STXBP6: variants seen among roughly 807,000 people sequenced by gnomAD.
STXBP6 encodes the protein syntaxin binding protein 6.
Under a neutral mutation model 26.9 loss-of-function variants are expected in STXBP6, and 21 were observed. That is an observed-to-expected ratio of 0.78 (90% CI 0.55 to 1.12). STXBP6 has a LOEUF of 1.12. Among genes scored for constraint, STXBP6 ranks in the 50% most tolerant of loss-of-function variants. The probability of loss-of-function intolerance (pLI) is 0.00; values close to 1 mark genes in which losing one functional copy is unlikely to be tolerated. For synonymous variants in STXBP6, 97 were observed against 92.6 expected (o/e 1.05, Z -0.27); for missense variants, 232 against 257.9 (o/e 0.90, Z 0.69).
chr14:24,864,604 T>C lies in STXBP6; in HGVS notation c.155-7447A>G, dbSNP rs186781980. On this transcript the variant is annotated intron_variant, in intron 2 of 5. Transcript: ENST00000323944. The stretch of plus-strand genomic sequence containing the variant: ...ATGTGCACATGGATCTCCTTTAATG[T>C]GAGAAGGCCATTCCAAAGGGAAAAA... Among the ~76,000 whole-genome samples the C allele has an allele frequency of 3.9e-4, 59 of 151,682 alleles. No homozygotes were observed. The East Asian group carries it at 0.011, about 27-fold the overall frequency.
chr14:25,047,285 A>C (rs1164600928), intron 1 of STXBP6, among the ~76,000 whole-genome samples: 2 of 152,184 alleles, frequency 1.3e-5, no homozygotes, highest in Non-Finnish European at 2.9e-5. Flanking sequence ...TATGAAAAGA[A>C]GGGGGAATCC....
At chr14:25,044,104 G>A (rs772259852) in intron 1 of STXBP6, among the ~76,000 whole-genome samples, 6 of 147,420 alleles carry the variant, frequency 4.1e-5, no homozygotes, top group Non-Finnish European at 8.9e-5. Flanking sequence ...CTGGGAGGTC[G>A]AGGCTGCAGT....
intron 1 of STXBP6, among the ~76,000 whole-genome samples, chr14:25,001,397 T>G (rs929420720): frequency 6.6e-6 from 1 of 152,124 alleles, no homozygotes; most frequent in Non-Finnish European, 1.5e-5. Context: ...TCATAACAAA[T>G]CACTTTCAAC....
At chr14:25,015,941 C>A (rs1210706688) in intron 1 of STXBP6, among the ~76,000 whole-genome samples, 1 of 152,146 alleles carries the variant, frequency 6.6e-6, no homozygotes, top group Non-Finnish European at 1.5e-5. Context: ...AACTTTGAAC[C>A]AACTGCCAAG....
At chr14:25,009,567 A>T (rs1341199563) in intron 1 of STXBP6, among the ~76,000 whole-genome samples, 2 of 152,188 alleles carry the variant, frequency 1.3e-5, no homozygotes, top group Non-Finnish European at 2.9e-5. Flanking sequence ...CAACAAGCCC[A>T]GTCCGACAAA....
At position 24,970,742 on chromosome 14, in the gene STXBP6, C is replaced by T. The variant is rs766392099; in HGVS notation, c.154+3923G>A. ...TTTATTTTTTCTCTTGAGTATATGC[C>T]TAGGAATGGGGTGCATGTTTGACTA... On this transcript the variant is annotated intron_variant, in intron 2 of 5. Transcript: ENST00000323944. Among the ~76,000 whole-genome samples, 214 of 152,016 alleles carry T rather than the reference C, an allele frequency of 1.4e-3. 4 individuals carry two copies. The highest frequency in any genetic ancestry group is 2.8e-3 in the Non-Finnish European group (188 of 67,980).
In STXBP6 at chr14:24,836,565, C is replaced by T. The variant is rs1233877779; in HGVS notation, c.452-17371G>A. On this transcript the variant is annotated intron_variant, in intron 4 of 5. Transcript: ENST00000323944. ...AGTGAGCTGACATCACACCACTGCACTCTAGCTTGCCAGCTTAGGTGACAC... is the reference window on the plus strand; with the variant it reads ...AGTGAGCTGACATCACACCACTGCATTCTAGCTTGCCAGCTTAGGTGACAC... Among the ~76,000 whole-genome samples, 3 of 131,216 alleles carry T rather than the reference C, an allele frequency of 2.3e-5. No homozygotes were observed. The East Asian group carries it at 6.7e-4, about 29-fold the overall frequency. 86.1% of individuals were successfully genotyped at this position (131,216 alleles called of 152,430 possible). A position where few individuals can be genotyped will look rare whatever the true frequency, so the allele number is the denominator to read the frequency against.
chr14:24,917,015 A>G (rs1278807889), intron 2 of STXBP6, among the ~76,000 whole-genome samples: 2 of 152,046 alleles, frequency 1.3e-5, no homozygotes, highest in Non-Finnish European at 2.9e-5. Context: ...ATTGGCACAG[A>G]TCAGCCCCAA....
chr14:24,974,622 A>C, intron 2 of STXBP6, 43 bp downstream of exon 2: 1 of 1,504,884 alleles, frequency 6.6e-7, no homozygotes, highest in Middle Eastern at 2.0e-4. Flanking sequence ...ACTGTTTTAA[A>C]ATGGAAGTTA....
intron 1 of STXBP6, among the ~76,000 whole-genome samples, chr14:24,991,696 A>T (rs969785873): frequency 1.3e-5 from 2 of 152,224 alleles, no homozygotes; most frequent in Non-Finnish European, 2.9e-5. Context: ...TTCAAACCAC[A>T]CTAAATATGT....
chr14:24,885,677 G>A (rs1465516507), intron 2 of STXBP6, among the ~76,000 whole-genome samples: 1 of 152,228 alleles, frequency 6.6e-6, no homozygotes, highest in Non-Finnish European at 1.5e-5. Context: ...CTCAACGTTT[G>A]CCTTCTCCCT....
At chr14:24,839,992 G>A (rs1425561802) in intron 4 of STXBP6, among the ~76,000 whole-genome samples, 2 of 152,172 alleles carry the variant, frequency 1.3e-5, no homozygotes, top group Non-Finnish European at 2.9e-5. Context: ...CTTATCATGT[G>A]ATATGTTTTA....
chr14:24,827,973 A>C (rs1036394709), intron 4 of STXBP6, among the ~76,000 whole-genome samples: 1 of 152,222 alleles, frequency 6.6e-6, no homozygotes, highest in Non-Finnish European at 1.5e-5. Flanking sequence ...TAAAAAGCTT[A>C]ACAAAGAACA....
chr14:25,031,010 T>C (rs1024002186), intron 1 of STXBP6, among the ~76,000 whole-genome samples: 6 of 152,160 alleles, frequency 3.9e-5, no homozygotes, highest in African/African-American at 1.4e-4. Context: ...TTCAATCTAT[T>C]GCTAGTGGAA....
chr14:24,859,579 G>A (rs2069459049), intron 2 of STXBP6, among the ~76,000 whole-genome samples: 3 of 151,980 alleles, frequency 2.0e-5, no homozygotes, highest in East Asian at 1.9e-4. Context: ...TAAAAAATAC[G>A]CCAGTCACAC....
At chr14:25,005,777 T>G (rs78926823) in intron 1 of STXBP6, among the ~76,000 whole-genome samples, 5,900 of 150,768 alleles carry the variant, frequency 0.039, 398 homozygotes, top group African/African-American at 0.14. Context: ...AAAAAATAAT[T>G]CTACAAATTT....
intron 2 of STXBP6, among the ~76,000 whole-genome samples, chr14:24,947,600 T>A (rs1340677540): frequency 6.6e-6 from 1 of 152,216 alleles, no homozygotes; most frequent in Non-Finnish European, 1.5e-5. Context: ...ACACAACTTC[T>A]ATGCTTAGAC....
chr14:24,903,154 T>C (rs376117960), intron 2 of STXBP6, among the ~76,000 whole-genome samples: 2 of 152,218 alleles, frequency 1.3e-5, no homozygotes, highest in African/African-American at 4.8e-5. Flanking sequence ...TCACATGTGC[T>C]TGAGGCTTTG....
At chr14:25,014,264 G>A (rs932509021) in intron 1 of STXBP6, among the ~76,000 whole-genome samples, 16 of 151,540 alleles carry the variant, frequency 1.1e-4, no homozygotes, top group African/African-American at 3.9e-4. Flanking sequence ...AGAGGCCGAG[G>A]CAGGTGGATC....
Sources: gnomAD v4.1 joint callset for allele counts (sites outside exome capture counted in the v4.1 genomes callset) on GRCh38, gnomAD v4.1.1 for gene constraint, MANE v1.5 for transcripts, NCBI Gene and HGNC (gene_info 2026-07-23, HGNC 2026-07-21) for gene names.